Variants in SAMD12 observed in about 807,000 individuals in gnomAD.
The protein encoded by SAMD12 is sterile alpha motif domain containing 12.
SAMD12 carries 9 observed loss-of-function variants against 15.0 expected under a neutral mutation model. The observed-to-expected ratio is 0.60, with a 90% CI of 0.36 to 1.05. The LOEUF is 1.05. SAMD12 is among the 50% of genes least tolerant of loss of function. SAMD12 has a pLI of 0.01. For missense variants in SAMD12, 230 were observed against 234.2 expected (o/e 0.98, Z 0.12); for synonymous variants, 86 against 90.1 (o/e 0.96, Z 0.25).
intron 3 of SAMD12, among the ~76,000 whole-genome samples, chr8:118,383,303 G>A (rs988825512): frequency 1.3e-5 from 2 of 152,118 alleles, no homozygotes; most frequent in South Asian, 2.1e-4. Flanking sequence ...AAATGTCTAC[G>A]AGTATGTGAT....
At chr8:118,221,031 CTA>C (rs1202778041) in intron 4 of SAMD12, among the ~76,000 whole-genome samples, 1 of 151,954 alleles carries the variant, frequency 6.6e-6, no homozygotes, top group African/African-American at 2.4e-5. Flanking sequence ...AAAAAAATAA[CTA>C]CGGGGAAAAC....
At chr8:118,328,832 T>A (rs989893408) in intron 4 of SAMD12, among the ~76,000 whole-genome samples, 5 of 152,210 alleles carry the variant, frequency 3.3e-5, no homozygotes, top group African/African-American at 1.2e-4. Flanking sequence ...ACTGGTCATA[T>A]CATCCTATGT....
chr8:118,222,497 G>A (rs1246431931), intron 4 of SAMD12, among the ~76,000 whole-genome samples: 1 of 152,092 alleles, frequency 6.6e-6, no homozygotes, highest in Non-Finnish European at 1.5e-5. Context: ...AATGTGTGAG[G>A]AAGTGCTTTT....
chr8:118,530,029 TCC>T (rs780477844), intron 2 of SAMD12, among the ~76,000 whole-genome samples: 14 of 152,222 alleles, frequency 9.2e-5, no homozygotes, highest in Non-Finnish European at 1.8e-4. Flanking sequence ...CTCTGCATCC[TCC>T]CCAACATCTG....
At chr8:118,271,980 T>C (rs1813364727) in intron 4 of SAMD12, among the ~76,000 whole-genome samples, 1 of 152,178 alleles carries the variant, frequency 6.6e-6, no homozygotes, top group South Asian at 2.1e-4. Flanking sequence ...CTGAGGTCTG[T>C]AGGACAGTGC....
intron 4 of SAMD12, chr8:118,197,836 G>A (rs1819610653): frequency 2.0e-6 from 2 of 978,342 alleles, no homozygotes; most frequent in South Asian, 1.3e-5. Flanking sequence ...ACACCCTTAG[G>A]CCAAAGAGAA....
intron 2 of SAMD12, among the ~76,000 whole-genome samples, chr8:118,557,469 G>A (rs1406127380): frequency 6.6e-6 from 1 of 152,196 alleles, no homozygotes; most frequent in East Asian, 1.9e-4. Flanking sequence ...TGGGGTTGGA[G>A]TAGATCTGAG....
At chr8:118,521,959 G>A (rs924398857) in intron 2 of SAMD12, among the ~76,000 whole-genome samples, 1 of 152,078 alleles carries the variant, frequency 6.6e-6, no homozygotes, top group African/African-American at 2.4e-5. Context: ...ATATATATTT[G>A]TCAACAGAAA....
chr8:118,561,505 G>A (rs1826700215), intron 2 of SAMD12, among the ~76,000 whole-genome samples: 1 of 152,194 alleles, frequency 6.6e-6, no homozygotes, highest in African/African-American at 2.4e-5. Context: ...CATGGCTGGG[G>A]AGGCCTCAGG....
At chr8:118,363,503 C>A (rs1015894283) in intron 4 of SAMD12, among the ~76,000 whole-genome samples, 3 of 152,080 alleles carry the variant, frequency 2.0e-5, no homozygotes, top group Admixed American at 2.0e-4. Flanking sequence ...GTCTTTAGAC[C>A]TGAACTTAAA....
the SAMD12 span, among the ~76,000 whole-genome samples, chr8:118,167,320 A>T: frequency 6.6e-6 from 1 of 151,622 alleles, no homozygotes; most frequent in African/African-American, 2.4e-5. Flanking sequence ...CCTGGTGTGC[A>T]CTCCAGGAGG....
At chr8:118,618,026 T>C (rs557455579) in intron 1 of SAMD12, among the ~76,000 whole-genome samples, 1 of 62,296 alleles carries the variant, frequency 1.6e-5, no homozygotes, top group African/African-American at 5.4e-5. Context: ...GACATTGTTT[T>C]TGTTTTTTTT....
intron 4 of SAMD12, among the ~76,000 whole-genome samples, chr8:118,372,316 G>A (rs1819145634): frequency 6.6e-6 from 1 of 151,998 alleles, no homozygotes; most frequent in Non-Finnish European, 1.5e-5. Context: ...TTGAATAAAT[G>A]AGTTAACAGT....
At chr8:118,426,146 T>G (rs143971697) in intron 3 of SAMD12, among the ~76,000 whole-genome samples, 1,593 of 152,354 alleles carry the variant, frequency 0.01, 9 homozygotes, top group Middle Eastern at 0.024. Flanking sequence ...ATTAAATGAT[T>G]ATCAATTCAC....
chr8:118,373,311 G>A (rs1235757625), downstream of SAMD12, among the ~76,000 whole-genome samples: 1 of 152,090 alleles, frequency 6.6e-6, no homozygotes, highest in African/African-American at 2.4e-5. Context: ...TCTGCAAAAT[G>A]AGACTGGACA....
chr8:118,482,328 C>T (rs1824148982), intron 2 of SAMD12, among the ~76,000 whole-genome samples: 2 of 152,070 alleles, frequency 1.3e-5, no homozygotes, highest in African/African-American at 4.8e-5. Context: ...TAACTTGTCC[C>T]AACTCACTTC....
At chr8:118,576,750 T>C (rs1012791166) in intron 2 of SAMD12, among the ~76,000 whole-genome samples, 3 of 152,168 alleles carry the variant, frequency 2.0e-5, no homozygotes, top group Middle Eastern at 3.2e-3. Flanking sequence ...TGTGGCTTTG[T>C]CTTGAGTCTA....
At chr8:118,433,044 G>A (rs1314000942) in intron 3 of SAMD12, among the ~76,000 whole-genome samples, 2 of 152,164 alleles carry the variant, frequency 1.3e-5, no homozygotes, top group African/African-American at 4.8e-5. Flanking sequence ...AACACAGGGG[G>A]ACATGTACCT....
At chr8:118,558,428 C>T (rs148277692) in intron 2 of SAMD12, among the ~76,000 whole-genome samples, 48 of 152,288 alleles carry the variant, frequency 3.2e-4, no homozygotes, top group African/African-American at 1.2e-3. Flanking sequence ...AGAATTGTTA[C>T]ATCTTACCAG....
Sources: gnomAD v4.1 joint callset for allele counts (sites outside exome capture counted in the v4.1 genomes callset) on GRCh38, gnomAD v4.1.1 for gene constraint, MANE v1.5 for transcripts, NCBI Gene and HGNC (gene_info 2026-07-23, HGNC 2026-07-21) for gene names.